The following MYO16 variants were observed in gnomAD, a reference collection of about 807,000 sequenced individuals.
The protein encoded by MYO16 is unconventional myosin-XVI.
A neutral mutation model predicts 205.3 loss-of-function variants in MYO16; 94 were observed. The ratio of observed to expected loss-of-function variants is 0.46; its 90% CI spans 0.39 to 0.54. The LOEUF (loss-of-function observed/expected upper bound fraction) is 0.54. Ranked by LOEUF, MYO16 falls within the 20% of genes least tolerant of loss-of-function variation. The pLI, the probability that MYO16 is intolerant of heterozygous loss-of-function variation, is 0.00. For synonymous variants in MYO16, 988 were observed against 954.0 expected, an observed-to-expected ratio of 1.04 and a Z score of -0.66; for missense variants, 2,315 against 2,387.5, an observed-to-expected ratio of 0.97 and a Z score of 0.63.
At chr13:108,835,338 G>A (rs1876852657) in intron 9 of MYO16, among the ~76,000 whole-genome samples, 1 of 152,138 alleles carries the variant, frequency 6.6e-6, no homozygotes, top group African/African-American at 2.4e-5. Context: ...CTGTCACCTT[G>A]TGAAGAGATT....
upstream of MYO16, among the ~76,000 whole-genome samples, chr13:108,593,084 G>C (rs1450464037): frequency 1.3e-5 from 2 of 152,104 alleles, no homozygotes; most frequent in African/African-American, 4.8e-5. Flanking sequence ...CGCTTGCACT[G>C]TCATTTCAAT....
At chr13:108,823,840 C>T (rs1320626911) in intron 9 of MYO16, among the ~76,000 whole-genome samples, 2 of 152,062 alleles carry the variant, frequency 1.3e-5, no homozygotes, top group Non-Finnish European at 2.9e-5. Flanking sequence ...TCATTTAACT[C>T]ATAAGATAAT....
At chr13:108,631,922 A>G (rs2139356848) in intron 1 of MYO16, among the ~76,000 whole-genome samples, 1 of 152,152 alleles carries the variant, frequency 6.6e-6, no homozygotes. Flanking sequence ...TACTAAAAAT[A>G]CAAAATTTTG....
chr13:108,824,219 G>GTA (rs2139024052), intron 9 of MYO16, among the ~76,000 whole-genome samples: 2 of 152,116 alleles, frequency 1.3e-5, no homozygotes, highest in South Asian at 4.1e-4. Flanking sequence ...ATTACTGAAA[G>GTA]ATAAATTATT....
chr13:109,100,333 A>G (rs1227724859), intron 27 of MYO16, among the ~76,000 whole-genome samples: 2 of 152,198 alleles, frequency 1.3e-5, no homozygotes, highest in South Asian at 4.1e-4. Context: ...CTCTCAAATA[A>G]GTATTCTGAA....
chr13:108,666,380 T>C lies in MYO16; in HGVS notation c.292+231T>C, dbSNP rs574510142. The stretch of plus-strand genomic sequence containing the variant: ...AAAAAATGTAAAAATTGTGGTGAGA[T>C]TGTATTTTTTTTTTTAAAGAATTAG... On this transcript the variant is annotated intron_variant, in intron 2 of 34. Coordinates refer to ENST00000457511, the MANE Select transcript of MYO16 (RefSeq NM_001198950.3). Among the ~76,000 whole-genome samples, 12 of 150,438 alleles carry C rather than the reference T, an allele frequency of 8.0e-5. No individual in the cohort carries two copies. In the East Asian group the frequency reaches 1.0e-3, roughly 13 times the overall value.
At chr13:108,848,942 A>T (rs1403621434) in intron 10 of MYO16, among the ~76,000 whole-genome samples, 1 of 152,200 alleles carries the variant, frequency 6.6e-6, no homozygotes, top group Non-Finnish European at 1.5e-5. Flanking sequence ...TAGTCCACAG[A>T]GACACAAGCA....
intron 16 of MYO16, among the ~76,000 whole-genome samples, chr13:108,935,774 C>G (rs1230942056): frequency 6.6e-6 from 1 of 150,656 alleles, no homozygotes; most frequent in Non-Finnish European, 1.5e-5. Context: ...ATAGATGGCT[C>G]TTATTATTTT....
chr13:108,920,445 C>G (rs1268293071), intron 16 of MYO16, among the ~76,000 whole-genome samples: 1 of 151,146 alleles, frequency 6.6e-6, no homozygotes, highest in Non-Finnish European at 1.5e-5. Context: ...TCATCTCTTT[C>G]TGTCTCTGTC....
intron 13 of MYO16, among the ~76,000 whole-genome samples, chr13:108,887,521 A>G (rs1005058817): frequency 6.6e-6 from 1 of 152,152 alleles, no homozygotes; most frequent in Non-Finnish European, 1.5e-5. Context: ...TGGGAATTTT[A>G]TGTCAATCCT....
intron 21 of MYO16, among the ~76,000 whole-genome samples, chr13:108,995,867 C>T (rs1457043451): frequency 6.6e-6 from 1 of 152,128 alleles, no homozygotes; most frequent in Admixed American, 6.6e-5. Context: ...TGTTCCAAGT[C>T]TTTGCTATTG....
At chr13:108,658,480 A>T (rs547534771) in intron 1 of MYO16, among the ~76,000 whole-genome samples, 101 of 150,312 alleles carry the variant, frequency 6.7e-4, no homozygotes, top group African/African-American at 2.3e-3. Context: ...CATGTGCCAG[A>T]TACTTCGCTT....
chr13:108,846,377 A>G (rs1176265007), intron 10 of MYO16, among the ~76,000 whole-genome samples: 1 of 152,128 alleles, frequency 6.6e-6, no homozygotes, highest in East Asian at 1.9e-4. Context: ...ATGGGAAGCC[A>G]CTTTGAATAA....
intron 9 of MYO16, among the ~76,000 whole-genome samples, chr13:108,843,675 G>A (rs1877365716): frequency 1.3e-5 from 2 of 151,990 alleles, no homozygotes; most frequent in Admixed American, 6.6e-5. Context: ...GTGATACAAT[G>A]CAACATTTAT....
the MYO16 span, among the ~76,000 whole-genome samples, chr13:108,544,305 C>G: frequency 6.6e-6 from 1 of 152,090 alleles, no homozygotes; most frequent in Non-Finnish European, 1.5e-5. Context: ...CACGTAAAAC[C>G]TTAGATATGA....
intron 34 of MYO16, among the ~76,000 whole-genome samples, chr13:109,204,258 T>C (rs1880514531): frequency 6.6e-6 from 1 of 152,260 alleles, no homozygotes; most frequent in Non-Finnish European, 1.5e-5. Flanking sequence ...CATGGTGTCT[T>C]AAGAAAACTT....
the MYO16 span, among the ~76,000 whole-genome samples, chr13:108,556,682 G>A: frequency 2.6e-5 from 4 of 151,908 alleles, no homozygotes; most frequent in Admixed American, 2.0e-4. Context: ...TCTGAGTTTG[G>A]GTTCATATTT....
At chr13:108,707,310 T>G (rs1352303735) in intron 2 of MYO16, among the ~76,000 whole-genome samples, 1 of 152,032 alleles carries the variant, frequency 6.6e-6, no homozygotes, top group African/African-American at 2.4e-5. Context: ...CAATGGAACA[T>G]AGGGATCAAT....
chr13:108,996,889 C>A (rs1016952678), intron 21 of MYO16, among the ~76,000 whole-genome samples: 1 of 152,252 alleles, frequency 6.6e-6, no homozygotes, highest in East Asian at 1.9e-4. Context: ...GGAAACAAAT[C>A]ATTTAACCTA....
Sources: gnomAD v4.1 joint callset for allele counts (sites outside exome capture counted in the v4.1 genomes callset) on GRCh38, gnomAD v4.1.1 for gene constraint, MANE v1.5 for transcripts, NCBI Gene and HGNC (gene_info 2026-07-23, HGNC 2026-07-21) for gene names.